IFIH1: variants seen among roughly 807,000 people sequenced by gnomAD.
IFIH1 encodes interferon induced with helicase C domain 1, also known as interferon-induced helicase C domain-containing protein 1.
A neutral mutation model predicts 107.4 loss-of-function variants in IFIH1; 125 were observed. The ratio of observed to expected loss-of-function variants is 1.16; its 90% confidence interval spans 1.01 to 1.35. The LOEUF (loss-of-function observed/expected upper bound fraction) is 1.35, where lower values mean the gene tolerates loss of function less well. Ranked by LOEUF, IFIH1 falls within the 40% of genes most tolerant of loss-of-function variation. The probability of loss-of-function intolerance (pLI) is 0.00; values close to 1 mark genes in which losing one functional copy is unlikely to be tolerated. For synonymous variants in IFIH1, 458 were observed against 413.2 expected (o/e 1.11, Z -1.31); for missense variants, 1,333 against 1,213.7 (o/e 1.10, Z -1.46).
intron 2 of IFIH1, among the ~76,000 whole-genome samples, chr2:162,307,841 G>T (rs988118023): frequency 6.6e-6 from 1 of 152,180 alleles, no homozygotes; most frequent in East Asian, 1.9e-4. Context: ...AATTTATTTT[G>T]CACTCACAAT....
rs11890676 is a variant in IFIH1 at position 162,309,467 on chromosome 2, A to G, written c.622+1298T>C. Among the ~76,000 whole-genome samples, 664 of 152,346 alleles carry G rather than the reference A, an allele frequency of 4.4e-3. 7 individuals carry two copies. The highest frequency in any genetic ancestry group is 0.015 in the African/African-American group (630 of 41,576). On this transcript the variant is annotated intron_variant, in intron 2 of 15. Transcript: ENST00000649979. The stretch of plus-strand genomic sequence containing the variant: ...CTTTCCTTTCCCTGAAGAATAGTAC[A>G]CATTCACAGCCAAATAGCTCTATGG...
intron 3 of IFIH1, among the ~76,000 whole-genome samples, chr2:162,297,188 G>T (rs1558872194): frequency 6.6e-6 from 1 of 152,086 alleles, no homozygotes; most frequent in African/African-American, 2.4e-5. Flanking sequence ...GATCAAGAAA[G>T]TGTTTGCGTG....
At chr2:162,304,908 A>G (rs919579479) in intron 3 of IFIH1, among the ~76,000 whole-genome samples, 16 of 152,214 alleles carry the variant, frequency 1.1e-4, no homozygotes, top group African/African-American at 3.9e-4. Flanking sequence ...CAAATGTGTT[A>G]AAATAGTATA....
chr2:162,295,427 T>C (rs1194929367), intron 3 of IFIH1, among the ~76,000 whole-genome samples: 1 of 151,964 alleles, frequency 6.6e-6, no homozygotes, highest in Non-Finnish European at 1.5e-5. Context: ...ATCTGTGACA[T>C]TTACATCTCC....
intron 2 of IFIH1, among the ~76,000 whole-genome samples, chr2:162,307,431 T>C (rs1488649357): frequency 6.6e-6 from 1 of 152,252 alleles, no homozygotes; most frequent in Admixed American, 6.5e-5. Context: ...TCTGCTTTAA[T>C]GTCAGCCTAT....
In IFIH1 at chr2:162,281,473, T is replaced by C. The variant is rs10930046; in HGVS notation, c.1379A>G (p.His460Arg). ...KEAVYNNIMR[H>R]YLMQKLKNNR... is the part of the protein sequence containing the mutation. ...GTTTTTCAACTTCTGCATCAAATAA[T>C]GCCTCATGATGTTATTATACACTGC... is the stretch of plus-strand genomic sequence containing the variant. The change falls in exon 7 of 16, where the codon CAT becomes CGT. Residue 460 changes from histidine (H) to arginine (R), a missense_variant. His to Arg is a conservative substitution (Grantham distance 29). Coordinates refer to ENST00000649979, the MANE Select transcript of IFIH1 (RefSeq NM_022168.4). The C allele has an allele frequency of 0.048, 76,582 of 1,611,932 alleles. 10,719 individuals carry two copies. The highest frequency in any genetic ancestry group is 0.42 in the African/African-American group (31,378 of 74,780).
intron 13 of IFIH1, among the ~76,000 whole-genome samples, chr2:162,269,202 ATGTAAAAAGCTGTTGAG>A (rs1690986137): frequency 6.6e-6 from 1 of 152,338 alleles, no homozygotes; most frequent in Non-Finnish European, 1.5e-5. Context: ...AGTCAATGAC[ATGTAAAAAGCTGTTGAG>A]TGGAATTTTC....
intron 3 of IFIH1, among the ~76,000 whole-genome samples, chr2:162,298,778 G>A (rs752530764): frequency 1.3e-5 from 2 of 149,740 alleles, no homozygotes; most frequent in Admixed American, 6.9e-5. Context: ...ACACACACAC[G>A]CACGCGCGCG....
rs545477353 is a variant in IFIH1, at chr2:162,267,156, A to G, written c.*44T>C. On this transcript the variant is annotated 3_prime_UTR_variant, in exon 16 of 16. Transcript: ENST00000649979. ...TGAATACATTAATCATAATCATATT[A>G]AATGTTTAACTGATAGTATTTTAAA... The G allele has an allele frequency of 1.2e-5, 16 of 1,293,570 alleles. No individual in the cohort carries two copies. The African/African-American group carries it at 1.7e-4, about 13-fold the overall frequency. 80.1% of individuals were successfully genotyped at this position (1,293,570 alleles called of 1,614,324 possible).
intron 10 of IFIH1, among the ~76,000 whole-genome samples, 172 bp downstream of exon 10, chr2:162,277,243 T>C (rs182283045): frequency 6.6e-6 from 1 of 152,300 alleles, no homozygotes; most frequent in African/African-American, 2.4e-5. Flanking sequence ...AATGACTGAC[T>C]GTGATCATAC....
At chr2:162,310,376 C>T (rs564203115) in intron 2 of IFIH1, 1 of 277,370 alleles carries the variant, frequency 3.6e-6, no homozygotes, top group East Asian at 7.1e-5. Flanking sequence ...TTATCAAATG[C>T]TTAATACATT....
intron 11 of IFIH1, 30 bp from the exon 12 acceptor site, chr2:162,273,974 T>G: frequency 1.4e-6 from 2 of 1,480,832 alleles, no homozygotes; most frequent in Non-Finnish European, 1.9e-6. Flanking sequence ...AATTAAATTT[T>G]GTGATGCTAA....
Position 162,310,891 on chromosome 2 carries a change from C to T in IFIH1, c.496G>A (p.Glu166Lys), listed in dbSNP as rs1234872809. 1.9e-6 allele frequency: 3 copies of T among 1,613,486 alleles called. No homozygotes were observed. The highest frequency in any genetic ancestry group is 2.5e-6 in the Non-Finnish European group (3 of 1,179,688). ...ENNGNESGVR[E>K]LLKRIVQKEN... is the part of the protein sequence containing the mutation. ...TTCTGCACAATCCTTTTTAGTAGCTCTCTTACACCTGATTCATTTCCATTG... is the reference window on the plus strand; with the variant it reads ...TTCTGCACAATCCTTTTTAGTAGCTTTCTTACACCTGATTCATTTCCATTG... Residue 166 changes from glutamate (E) to lysine (K), a missense_variant, in exon 2 of 16, where the codon GAG (glutamate) becomes AAG (lysine). By Grantham distance (56) the Glu-to-Lys change is moderately conservative. Transcript: ENST00000649979.
intron 13 of IFIH1, among the ~76,000 whole-genome samples, chr2:162,269,920 T>C (rs1372805063): frequency 6.6e-6 from 1 of 152,162 alleles, no homozygotes; most frequent in Non-Finnish European, 1.5e-5. Context: ...CACTGAAATA[T>C]TTTTCCCTAA....
intron 11 of IFIH1, among the ~76,000 whole-genome samples, chr2:162,276,113 G>T (rs914834947): frequency 6.6e-6 from 1 of 152,160 alleles, no homozygotes; most frequent in Non-Finnish European, 1.5e-5. Flanking sequence ...AACTTAGAAA[G>T]TTCTTCCAAT....
In IFIH1 at chr2:162,267,486, C is replaced by T. The variant is rs1388945749; in HGVS notation, c.2891G>A (p.Cys964Tyr). The T allele has an allele frequency of 6.2e-7, 1 of 1,613,494 alleles. No individual in the cohort carries two copies. The highest frequency in any genetic ancestry group is 1.3e-5 in the African/African-American group (1 of 74,934). Residue 964 changes from cysteine to tyrosine, a missense_variant, in exon 15 of 16, where the codon TGT (cysteine) becomes TAT (tyrosine). Physicochemically the swap from Cys to Tyr is radical, Grantham distance 194 (BLOSUM62 -2). Transcript: ENST00000649979. The part of the protein sequence containing the change: ...YQINGEIICK[C>Y]GQAWGTMMVH... The stretch of plus-strand genomic sequence containing the variant: ...CCACAGCAATTTACTCACCTGGCCA[C>T]ATTTGCAGATGATTTCACCATTTAT...
At chr2:162,304,013 T>G (rs1683236857) in intron 3 of IFIH1, among the ~76,000 whole-genome samples, 1 of 152,164 alleles carries the variant, frequency 6.6e-6, no homozygotes, top group African/African-American at 2.4e-5. Context: ...CACACTCAGA[T>G]AGTGAATTTT....
chr2:162,279,823 C>T (rs112118041), intron 8 of IFIH1, among the ~76,000 whole-genome samples, 173 bp downstream of exon 8: 3 of 151,862 alleles, frequency 2.0e-5, no homozygotes, highest in African/African-American at 4.8e-5. Context: ...GGTCTAGAGG[C>T]GAGAATTCAC....
At chr2:162,299,546 T>C (rs1026355595) in intron 3 of IFIH1, among the ~76,000 whole-genome samples, 1 of 152,060 alleles carries the variant, frequency 6.6e-6, no homozygotes, top group Non-Finnish European at 1.5e-5. Flanking sequence ...TGATGTCCTG[T>C]GTGGAGCTGG....
Sources: gnomAD v4.1 joint callset for allele counts (sites outside exome capture counted in the v4.1 genomes callset) on GRCh38, gnomAD v4.1.1 for gene constraint, MANE v1.5 for transcripts, NCBI Gene and HGNC (gene_info 2026-07-23, HGNC 2026-07-21) for gene names.